The following ST18 variants were observed in gnomAD, a reference collection of about 807,000 sequenced individuals.
ST18 encodes ST18 C2H2C-type zinc finger transcription factor.
A neutral mutation model predicts 110.0 loss-of-function variants in ST18; 50 were observed. The observed-to-expected ratio is 0.45, with a 90% CI of 0.36 to 0.58. ST18 has a LOEUF of 0.58. Among genes scored for constraint, ST18 ranks in the 20% least tolerant of loss-of-function variants. The pLI, the probability that ST18 is intolerant of heterozygous loss-of-function variation, is 0.00. For missense variants in ST18, 1,306 were observed against 1,280.1 expected (o/e 1.02, Z -0.31); for synonymous variants, 461 against 452.4 (o/e 1.02, Z -0.24).
intron 8 of ST18, among the ~76,000 whole-genome samples, chr8:52,197,889 GCACACA>G (rs57662247): frequency 6.7e-6 from 1 of 150,150 alleles, no homozygotes; most frequent in African/African-American, 2.5e-5. Context: ...AACAAAATGA[GCACACA>G]CACACACACA....
Position 52,113,046 on chromosome 8 carries a change from T to C in ST18, c.*152A>G. 1 of 795,550 alleles carries C rather than the reference T, an allele frequency of 1.3e-6. No homozygotes were observed. Among genetic ancestry groups the C allele is most frequent in the Non-Finnish European group, 1.8e-6 (1 of 564,558 alleles). The allele number at this position is 795,550 out of a possible 1,614,324, so 49.3% of individuals were successfully genotyped here. A position where few individuals can be genotyped will look rare whatever the true frequency, so the allele number is the denominator to read the frequency against. ...TCTATCATAGTTTTTCTTTCCTTTT[T>C]ATATCAGCTGGGGAAAATAAAATTA... On this transcript the variant is annotated 3_prime_UTR_variant, in exon 26 of 26. Coordinates refer to ENST00000689386, the MANE Select transcript of ST18 (RefSeq NM_001352837.2).
intron 9 of ST18, among the ~76,000 whole-genome samples, chr8:52,177,411 G>T (rs960740190): frequency 1.2e-4 from 18 of 152,198 alleles, no homozygotes; most frequent in Non-Finnish European, 2.5e-4. Context: ...CTTCCCAGCT[G>T]CAGATGATAT....
At chr8:52,227,339 A>G (rs1023916139) in intron 3 of ST18, among the ~76,000 whole-genome samples, 1 of 152,176 alleles carries the variant, frequency 6.6e-6, no homozygotes, top group Non-Finnish European at 1.5e-5. Context: ...TCAAACCAGG[A>G]AGTTGAATAT....
At chr8:52,320,392 CAAAT>C (rs1212124184) in intron 2 of ST18, among the ~76,000 whole-genome samples, 1 of 151,660 alleles carries the variant, frequency 6.6e-6, no homozygotes, top group African/African-American at 2.4e-5. Context: ...TTTTTTACCA[CAAAT>C]AAATAAAATT....
chr8:52,171,688 A>G, intron 10 of ST18, 104 bp downstream of exon 10: 1 of 1,211,950 alleles, frequency 8.3e-7, no homozygotes, highest in Non-Finnish European at 1.2e-6. Flanking sequence ...TTTAAGTTGC[A>G]TTAAACTGTT....
chr8:52,328,064 T>C (rs1468283976), intron 2 of ST18, among the ~76,000 whole-genome samples: 1 of 152,230 alleles, frequency 6.6e-6, no homozygotes, highest in Non-Finnish European at 1.5e-5. Flanking sequence ...AAACAAAGCC[T>C]AAAGTGCATC....
At chr8:52,305,387 G>C (rs1055575871) in intron 2 of ST18, among the ~76,000 whole-genome samples, 2 of 152,142 alleles carry the variant, frequency 1.3e-5, no homozygotes, top group African/African-American at 4.8e-5. Context: ...CAGCCTCCTT[G>C]ATCTTCTCCT....
chr8:52,389,000 CT>C (rs1489839803), intron 2 of ST18, among the ~76,000 whole-genome samples: 2 of 147,726 alleles, frequency 1.4e-5, no homozygotes, highest in East Asian at 4.0e-4. Flanking sequence ...ACAAGCAATA[CT>C]TGGTGTCGGC....
At chr8:52,320,275 G>A (rs1803295058) in intron 2 of ST18, among the ~76,000 whole-genome samples, 1 of 152,028 alleles carries the variant, frequency 6.6e-6, no homozygotes, top group Non-Finnish European at 1.5e-5. Flanking sequence ...GTTTTAGGGA[G>A]GATATTCAAT....
At chr8:52,125,705 G>T (rs1342614748) in intron 23 of ST18, among the ~76,000 whole-genome samples, 1 of 151,634 alleles carries the variant, frequency 6.6e-6, no homozygotes, top group African/African-American at 2.4e-5. Flanking sequence ...GCCCAGGCTG[G>T]TCACAAACTC....
In ST18 at chr8:52,204,617, A is replaced by G. The variant is rs543342692; in HGVS notation, c.86+7462T>C. ...CCACTGAAACATCTAATACTATGCT[A>G]GGGCACAAGAAAAAATATCAAAGGA... On this transcript the variant is annotated intron_variant, in intron 8 of 25. Coordinates refer to ENST00000689386, the MANE Select transcript of ST18 (RefSeq NM_001352837.2). Among the ~76,000 whole-genome samples, 5 of 152,350 alleles carry G rather than the reference A, an allele frequency of 3.3e-5. No homozygotes were observed. The South Asian group carries it at 1.0e-3, about 32-fold the overall frequency.
chr8:52,147,643 T>C (rs1380575262), intron 16 of ST18, among the ~76,000 whole-genome samples: 2 of 151,402 alleles, frequency 1.3e-5, no homozygotes, highest in African/African-American at 4.9e-5. Context: ...TTCCCAGAAA[T>C]GAGAACATGT....
intron 2 of ST18, among the ~76,000 whole-genome samples, chr8:52,382,867 C>T (rs937169513): frequency 1.3e-5 from 2 of 151,608 alleles, no homozygotes; most frequent in Admixed American, 1.3e-4. Context: ...AGATGGCTCT[C>T]GGGGGACACG....
At chr8:52,155,330 T>C (rs1284635786) in intron 15 of ST18, among the ~76,000 whole-genome samples, 1 of 152,204 alleles carries the variant, frequency 6.6e-6, no homozygotes, top group East Asian at 1.9e-4. Flanking sequence ...CTCAAAGAGA[T>C]ACTTAAAACA....
At chr8:52,391,195 C>T (rs1277552983) in intron 2 of ST18, among the ~76,000 whole-genome samples, 3 of 152,166 alleles carry the variant, frequency 2.0e-5, no homozygotes, top group Non-Finnish European at 4.4e-5. Context: ...TGCGAACCCA[C>T]CCCCAGAGCC....
chr8:52,322,390 T>C (rs1156866942), intron 2 of ST18, among the ~76,000 whole-genome samples: 1 of 152,210 alleles, frequency 6.6e-6, no homozygotes, highest in Non-Finnish European at 1.5e-5. Flanking sequence ...TGAATACTAT[T>C]ACTGGCTGTT....
At chr8:52,129,715 G>T (rs2048452388) in intron 22 of ST18, among the ~76,000 whole-genome samples, 1 of 152,096 alleles carries the variant, frequency 6.6e-6, no homozygotes, top group Non-Finnish European at 1.5e-5. Context: ...AATTACCTTT[G>T]TCTAAATTCT....
rs999696300 is a variant in ST18 at position 52,284,456 on chromosome 8, G to A, written c.-464-54379C>T. On this transcript the variant is annotated intron_variant, in intron 2 of 25. Transcript: ENST00000689386. ...GTTCAGGGAAATGAGGGGGATGACCGATGTGTCTCCAAGTGACCATCCCTA... is the reference window on the plus strand; with the variant it reads ...GTTCAGGGAAATGAGGGGGATGACCAATGTGTCTCCAAGTGACCATCCCTA... Among the ~76,000 whole-genome samples the A allele has an allele frequency of 4.6e-5, 7 of 152,172 alleles. No homozygotes were observed. The East Asian group carries it at 5.8e-4, about 13-fold the overall frequency.
At chr8:52,218,650 T>C (rs1277728302) in intron 5 of ST18, among the ~76,000 whole-genome samples, 1 of 151,430 alleles carries the variant, frequency 6.6e-6, no homozygotes, top group Non-Finnish European at 1.5e-5. Flanking sequence ...TCCACCCGCC[T>C]TGGCCTCCCA....
Sources: gnomAD v4.1 joint callset for allele counts (sites outside exome capture counted in the v4.1 genomes callset) on GRCh38, gnomAD v4.1.1 for gene constraint, MANE v1.5 for transcripts, NCBI Gene and HGNC (gene_info 2026-07-23, HGNC 2026-07-21) for gene names.